Variants in KCNH3 observed in about 807,000 individuals in gnomAD.
KCNH3 encodes the protein potassium voltage-gated channel subfamily H member 3.
Under a neutral mutation model 95.6 loss-of-function variants are expected in KCNH3, and 36 were observed. The observed-to-expected ratio is 0.38, with a 90% CI of 0.29 to 0.50. KCNH3 has a LOEUF of 0.50. Ranked by LOEUF, KCNH3 falls within the 20% of genes least tolerant of loss-of-function variation. KCNH3 has a pLI of 0.95. For synonymous variants in KCNH3, 620 were observed against 646.3 expected, an observed-to-expected ratio of 0.96 and a Z score of 0.62; for missense variants, 1,030 against 1,484.1, an observed-to-expected ratio of 0.69 and a Z score of 5.03.
rs201811830 is a variant in KCNH3 at position 49,557,778 on chromosome 12, G to C, written c.3077G>C (p.Arg1026Thr). Reference sequence around the variant, plus strand: ...CCTCCTCCTTCTGAGGAAGGGGCTAGGACTGGGCCCGCAGAGCCTGTGAGC... The same window carrying C: ...CCTCCTCCTTCTGAGGAAGGGGCTACGACTGGGCCCGCAGAGCCTGTGAGC... ...ASPPPSEEGA[R>T]TGPAEPVSQA... is the part of the protein sequence containing the mutation. The change falls in exon 15 of 15, where the codon AGG (arginine) becomes ACG (threonine). Residue 1026 changes from arginine to threonine, a missense_variant. By Grantham distance (71) the Arg-to-Thr change is moderately conservative. This residue lies in a region of KCNH3 where 464 missense variants were observed against 493.2 expected (regional missense o/e 0.94). Transcript: ENST00000257981. 3 of 1,610,342 alleles carry C rather than the reference G, an allele frequency of 1.9e-6. No individual in the cohort carries two copies. Among genetic ancestry groups the C allele is most frequent in the Admixed American group, 1.7e-5 (1 of 59,828 alleles).
intron 7 of KCNH3, among the ~76,000 whole-genome samples, chr12:49,547,153 A>G (rs1006183021): frequency 5.9e-5 from 9 of 152,004 alleles, no homozygotes; most frequent in Admixed American, 5.2e-4. Context: ...TCGACCTCCC[A>G]AAGTGCTGGG....
chr12:49,541,145 C>T lies in KCNH3; in HGVS notation c.310+13C>T. 6.3e-7 allele frequency: 1 copy of T among 1,585,884 alleles called. No individual in the cohort carries two copies. The highest frequency in any genetic ancestry group is 2.2e-5 in the East Asian group (1 of 44,516). On this transcript the variant is annotated intron_variant, in intron 2 of 14. Transcript: ENST00000257981. Reference sequence around the variant, plus strand: ...TACCGGAAGAGCGGTGAGGGGCCACCTGGCCAGCCTGCCTCACCTTTGCAG... The same window carrying T: ...TACCGGAAGAGCGGTGAGGGGCCACTTGGCCAGCCTGCCTCACCTTTGCAG...
At chr12:49,547,875 T>C (rs1938113187) in intron 7 of KCNH3, among the ~76,000 whole-genome samples, 1 of 151,690 alleles carries the variant, frequency 6.6e-6, no homozygotes, top group Admixed American at 6.6e-5. Flanking sequence ...TTGCACCCCA[T>C]GGCCCCCAGC....
intron 3 of KCNH3, among the ~76,000 whole-genome samples, chr12:49,542,485 C>A (rs1290990671): frequency 6.6e-6 from 1 of 152,234 alleles, no homozygotes; most frequent in Non-Finnish European, 1.5e-5. Context: ...TGGAAGCAGA[C>A]CCCAGAGGTA....
At chr12:49,543,093 T>G (rs1391075603) in intron 4 of KCNH3, among the ~76,000 whole-genome samples, 182 bp from the exon 5 acceptor site, 3 of 152,206 alleles carry the variant, frequency 2.0e-5, no homozygotes, top group Non-Finnish European at 4.4e-5. Context: ...CTAAGTCACT[T>G]AACTTTCCTG....
rs1938517007 is a variant in KCNH3 at position 49,557,538 on chromosome 12, CCTA to C, written c.2840_2842del (p.Tyr947del). On this transcript the variant is annotated inframe_deletion, in exon 15 of 15. Coordinates refer to ENST00000257981, the MANE Select transcript of KCNH3 (RefSeq NM_012284.3). ...CTGTGTGTGGACACTGGGGCATCCT[CCTA>C]CTGCCTGCAGCCCCCAGCTGGCTCT... The C allele has an allele frequency of 1.2e-6, 2 of 1,611,664 alleles. No homozygotes were observed. The highest frequency in any genetic ancestry group is 2.7e-5 in the African/African-American group (2 of 74,930).
chr12:49,540,548 CT>C (rs1937836500), intron 1 of KCNH3, among the ~76,000 whole-genome samples: 1 of 152,154 alleles, frequency 6.6e-6, no homozygotes, highest in African/African-American at 2.4e-5. Flanking sequence ...AGAGGTGGGG[CT>C]GAGGCTGGCC....
chr12:49,554,197 T>C lies in KCNH3; in HGVS notation c.1919-140T>C. ...CAGGCCATGTCCCAGGCCTCTTTGC[T>C]CCTCTCTCTGCTGGCTTCAAGGCTT... On this transcript the variant is annotated intron_variant, in intron 10 of 14. Transcript: ENST00000257981. 1.1e-5 allele frequency: 8 copies of C among 701,112 alleles called. No individual in the cohort carries two copies. In the South Asian group the frequency reaches 1.3e-4, roughly 12 times the overall value. 43.4% of individuals were successfully genotyped at this position (701,112 alleles called of 1,614,324 possible).
chr12:49,545,377 T>G (rs1938024359), intron 7 of KCNH3, among the ~76,000 whole-genome samples: 1 of 151,718 alleles, frequency 6.6e-6, no homozygotes, highest in African/African-American at 2.4e-5. Flanking sequence ...TAACTGACAT[T>G]TAGCCGGGTT....
chr12:49,549,485 C>G lies in KCNH3; in HGVS notation c.1513C>G (p.Gln505Glu). Residue 505 changes from glutamine to glutamate, a missense_variant, in exon 9 of 15, where the codon CAG (glutamine) becomes GAG (glutamate). This residue lies in a region of KCNH3 where 160 missense variants were observed against 316.2 expected (regional missense o/e 0.51). Transcript: ENST00000257981. ...GTTTGGGAACGTGACGGCCATCATC[C>G]AGCGCATGTACGCCCGCCGCTTTCT... ...VVFGNVTAII[Q>E]RMYARRFLYH... is the part of the protein sequence containing the mutation. The G allele has an allele frequency of 6.2e-7, 1 of 1,613,498 alleles. No individual in the cohort carries two copies. The highest frequency in any genetic ancestry group is 8.5e-7 in the Non-Finnish European group (1 of 1,180,030).
intron 11 of KCNH3, 61 bp downstream of exon 11, chr12:49,554,615 G>A (rs1165207711): frequency 1.4e-6 from 2 of 1,435,756 alleles, no homozygotes; most frequent in Non-Finnish European, 1.9e-6. Context: ...GGTGAAGTGG[G>A]CAGAGGCTGG....
chr12:49,554,273 C>G, intron 10 of KCNH3, 64 bp from the exon 11 acceptor site: 1 of 1,314,450 alleles, frequency 7.6e-7, no homozygotes, highest in South Asian at 1.2e-5. Flanking sequence ...CAACCTGCAG[C>G]CCCCTCTTCT....
intron 7 of KCNH3, among the ~76,000 whole-genome samples, chr12:49,548,092 CT>C (rs1233192143): frequency 1.5e-4 from 19 of 130,786 alleles, no homozygotes; most frequent in African/African-American, 6.2e-4. Flanking sequence ...TAGCCTGTGA[CT>C]ACGTGTGTGT....
At chr12:49,551,219 T>C (rs1565779900) in intron 10 of KCNH3, among the ~76,000 whole-genome samples, 1 of 152,154 alleles carries the variant, frequency 6.6e-6, no homozygotes, top group Non-Finnish European at 1.5e-5. Flanking sequence ...ACCTGCACTC[T>C]AGGATTTGGA....
At position 49,542,714 on chromosome 12, in the gene KCNH3, C is replaced by T. The variant is rs373442567; in HGVS notation, c.454C>T (p.Arg152Trp). ...CCCCTCTTCTTTCGCAGGTGGTGGCCGGCGCCGATATGGCCGGGCACGATC... is the reference window on the plus strand; with the variant it reads ...CCCCTCTTCTTTCGCAGGTGGTGGCTGGCGCCGATATGGCCGGGCACGATC... Reference protein sequence around the residue: ...PDRWKETGGGRRRYGRARSKG... With the variant: ...PDRWKETGGGWRRYGRARSKG... The change falls in exon 4 of 15, where the codon CGG (arginine) becomes TGG (tryptophan). Residue 152 changes from arginine (R) to tryptophan (W), a missense_variant. Physicochemically the swap from Arg to Trp is moderately radical, Grantham distance 101. Around this residue, in one of 9 missense-constraint regions of KCNH3, gnomAD observed 92 missense variants for 92.7 expected, o/e 0.99. Transcript: ENST00000257981. The T allele has an allele frequency of 2.3e-5, 36 of 1,576,092 alleles. No homozygotes were observed. The highest frequency in any genetic ancestry group is 3.7e-5 in the Admixed American group (2 of 54,508).
chr12:49,541,367 C>T (rs1937865721), intron 2 of KCNH3, among the ~76,000 whole-genome samples: 1 of 152,214 alleles, frequency 6.6e-6, no homozygotes, highest in Admixed American at 6.5e-5. Context: ...CCTCGGGTTT[C>T]CCGCATCCAA....
At position 49,556,445 on chromosome 12, in the gene KCNH3, G is replaced by A. The variant is rs1250220479; in HGVS notation, c.2544G>A (p.Pro848=). The part of the protein sequence containing the change: ...KFSFRVGQSG[P]ECSSSPSPGP... ...CTTTCCGCGTGGGCCAGTCTGGCCC[G>A]GAATGTAGCAGCAGCCCCTCCCCTG... Residue 848 remains proline (P), a synonymous_variant, in exon 13 of 15, where the codon CCG becomes CCA. Coordinates refer to ENST00000257981, the MANE Select transcript of KCNH3 (RefSeq NM_012284.3). The A allele has an allele frequency of 7.4e-6, 12 of 1,613,862 alleles. No homozygotes were observed. Among genetic ancestry groups the A allele is most frequent in the South Asian group, 4.4e-5 (4 of 91,090 alleles).
chr12:49,548,807 G>A (rs1938155387), intron 7 of KCNH3, 88 bp from the exon 8 acceptor site: 2 of 1,375,124 alleles, frequency 1.5e-6, no homozygotes, highest in Non-Finnish European at 9.7e-7. Flanking sequence ...ATGGGGCTGG[G>A]TCTGTGTCTG....
Position 49,557,446 on chromosome 12 carries a change from G to C in KCNH3, c.2745G>C (p.Glu915Asp). The C allele has an allele frequency of 6.2e-7, 1 of 1,609,866 alleles. No homozygotes were observed. Among genetic ancestry groups the C allele is most frequent in the Non-Finnish European group, 8.5e-7 (1 of 1,178,018 alleles). ...AGCTTGTCCTGGCGCCCCACAGGGA[G>C]GGTCCGTGCCCTCGGGCATCGGGAG... is the stretch of plus-strand genomic sequence containing the variant. The part of the protein sequence containing the change: ...AVQLVLAPHR[E>D]GPCPRASGEG... The change falls in exon 15 of 15, where the codon GAG (glutamate) becomes GAC (aspartate). Residue 915 changes from glutamate (E) to aspartate (D), a missense_variant. This residue lies in a region of KCNH3 where 464 missense variants were observed against 493.2 expected (regional missense o/e 0.94). Transcript: ENST00000257981.
Sources: gnomAD v4.1 joint callset for allele counts (sites outside exome capture counted in the v4.1 genomes callset) on GRCh38, gnomAD v4.1.1 for gene constraint, gnomAD v4.1.1 regional missense constraint, MANE v1.5 for transcripts, NCBI Gene and HGNC (gene_info 2026-07-23, HGNC 2026-07-21) for gene names.